MDFIC2: variants seen among roughly 807,000 people sequenced by gnomAD.
MDFIC2 encodes the protein MyoD family inhibitor domain containing 2.
intron 2 of MDFIC2, among the ~76,000 whole-genome samples, chr3:70,242,209 T>G (rs185673485): frequency 8.9e-4 from 136 of 152,306 alleles, no homozygotes; most frequent in South Asian, 1.5e-3. Context: ...TTCCAACCTT[T>G]TTTATATGAC....
chr3:70,311,841 G>A (rs998110389), intron 2 of MDFIC2, 45 bp downstream of exon 2: 62 of 396,558 alleles, frequency 1.6e-4, no homozygotes, highest in African/African-American at 1.2e-3. Flanking sequence ...ATAAACAAAA[G>A]CAAAATTTTC....
intron 2 of MDFIC2, among the ~76,000 whole-genome samples, chr3:70,264,823 CG>C (rs1430079317): frequency 1.3e-5 from 2 of 151,918 alleles, no homozygotes; most frequent in Admixed American, 6.6e-5. Context: ...GTAGGGACAT[CG>C]GGGATGTATT....
At chr3:70,208,198 T>C (rs1187786405) in intron 2 of MDFIC2, among the ~76,000 whole-genome samples, 1 of 152,096 alleles carries the variant, frequency 6.6e-6, no homozygotes, top group Admixed American at 6.6e-5. Context: ...GTGGCACAAC[T>C]GGGACGTGGT....
intron 2 of MDFIC2, among the ~76,000 whole-genome samples, chr3:70,277,805 C>G (rs1464502541): frequency 3.9e-5 from 6 of 151,954 alleles, no homozygotes; most frequent in Non-Finnish European, 8.8e-5. Context: ...ATTTTTTATA[C>G]AAATGGTTGT....
At chr3:70,269,087 T>G (rs1701951135) in intron 2 of MDFIC2, among the ~76,000 whole-genome samples, 2 of 152,090 alleles carry the variant, frequency 1.3e-5, no homozygotes, top group Admixed American at 6.6e-5. Flanking sequence ...AAAAAATATA[T>G]ACATATATAA....
At position 70,195,902 on chromosome 3, in the gene MDFIC2, TA is replaced by T. The variant is rs1298772403; in HGVS notation, c.*1023del. 1.3e-5 allele frequency among the ~76,000 whole-genome samples: 2 copies of T among 152,154 alleles called. No individual in the cohort carries two copies. Among genetic ancestry groups the T allele is most frequent in the African/African-American group, 2.4e-5 (1 of 41,444 alleles). On this transcript the variant is annotated 3_prime_UTR_variant, in exon 4 of 4. Coordinates refer to ENST00000567252, the MANE Select transcript of MDFIC2 (RefSeq NM_001364677.1). ...TCCAGTCTATATCACATCTTTTTCT[TA>T]AAAAAATAAGTAAAATAAGTACTTG...
intron 2 of MDFIC2, among the ~76,000 whole-genome samples, chr3:70,243,739 T>A (rs1013950600): frequency 6.6e-6 from 1 of 152,060 alleles, no homozygotes; most frequent in African/African-American, 2.4e-5. Context: ...GCATCACTGA[T>A]CTAAAGCAAG....
chr3:70,295,562 G>C (rs1003411597), intron 2 of MDFIC2, among the ~76,000 whole-genome samples: 1 of 152,046 alleles, frequency 6.6e-6, no homozygotes, highest in East Asian at 1.9e-4. Flanking sequence ...AATGAGCCAG[G>C]CTTGGTGGTG....
At chr3:70,277,338 C>T (rs143725408) in intron 2 of MDFIC2, among the ~76,000 whole-genome samples, 151 of 152,218 alleles carry the variant, frequency 9.9e-4, no homozygotes, top group African/African-American at 3.1e-3. Context: ...CTTATGTAAA[C>T]GGAAATATCT....
intron 2 of MDFIC2, among the ~76,000 whole-genome samples, chr3:70,300,008 A>G (rs1418444277): frequency 6.6e-6 from 1 of 152,112 alleles, no homozygotes; most frequent in Non-Finnish European, 1.5e-5. Flanking sequence ...ACCTTGGGCC[A>G]TCATATTCCA....
intron 2 of MDFIC2, among the ~76,000 whole-genome samples, chr3:70,296,475 A>G (rs527427234): frequency 6.6e-6 from 1 of 152,308 alleles, no homozygotes; most frequent in East Asian, 1.9e-4. Context: ...TCACACCGTG[A>G]CATTGGTTAA....
chr3:70,210,080 G>A (rs548264017), intron 2 of MDFIC2, among the ~76,000 whole-genome samples: 8 of 152,176 alleles, frequency 5.3e-5, no homozygotes, highest in African/African-American at 1.7e-4. Flanking sequence ...TTTGCACAAA[G>A]TAATTCAGTA....
chr3:70,284,058 A>G (rs911310933), intron 2 of MDFIC2, among the ~76,000 whole-genome samples: 8 of 152,122 alleles, frequency 5.3e-5, no homozygotes, highest in African/African-American at 1.4e-4. Context: ...AAATCCTGGA[A>G]TGAACTTGGT....
intron 2 of MDFIC2, among the ~76,000 whole-genome samples, chr3:70,276,723 C>A (rs556989593): frequency 1.3e-5 from 2 of 152,164 alleles, no homozygotes; most frequent in Non-Finnish European, 2.9e-5. Context: ...CAGCCATGCT[C>A]ATTAATTTAT....
intron 2 of MDFIC2, among the ~76,000 whole-genome samples, chr3:70,281,915 T>C (rs1702087264): frequency 6.6e-6 from 1 of 152,176 alleles, no homozygotes; most frequent in Non-Finnish European, 1.5e-5. Flanking sequence ...TTAAAAAGCA[T>C]CTTGGGTAAT....
intron 2 of MDFIC2, chr3:70,302,498 G>C (rs1479814547): frequency 6.6e-6 from 1 of 152,036 alleles, no homozygotes; most frequent in Non-Finnish European, 1.5e-5. Flanking sequence ...TTGATTAAGT[G>C]TATCACATCA....
intron 2 of MDFIC2, among the ~76,000 whole-genome samples, chr3:70,282,726 A>G (rs753781294): frequency 2.0e-5 from 3 of 152,152 alleles, no homozygotes; most frequent in East Asian, 3.9e-4. Flanking sequence ...CTTCTTGCTT[A>G]TTTGTCACCA....
At chr3:70,218,402 A>T (rs1484515154) in intron 2 of MDFIC2, among the ~76,000 whole-genome samples, 1 of 152,116 alleles carries the variant, frequency 6.6e-6, no homozygotes, top group African/African-American at 2.4e-5. Context: ...GTAAAGGTTT[A>T]TAAGCTTTAC....
At position 70,223,875 on chromosome 3, in the gene MDFIC2, G is replaced by A. The variant is rs77192308; in HGVS notation, c.89-17085C>T. 5.4e-3 allele frequency among the ~76,000 whole-genome samples: 815 copies of A among 151,710 alleles called. 10 individuals carry two copies. Among genetic ancestry groups the A allele is most frequent in the African/African-American group, 0.019 (769 of 41,354 alleles). The stretch of plus-strand genomic sequence containing the variant: ...ACTTAATCTTTTTTCTCCCTTTATC[G>A]TGCTCTTTCTCTTACTCTGCTTCAT... On this transcript the variant is annotated intron_variant, in intron 2 of 3. Coordinates refer to ENST00000567252, the MANE Select transcript of MDFIC2 (RefSeq NM_001364677.1).
Sources: gnomAD v4.1 joint callset for allele counts (sites outside exome capture counted in the v4.1 genomes callset) on GRCh38, gnomAD v4.1.1 for gene constraint, MANE v1.5 for transcripts, NCBI Gene and HGNC (gene_info 2026-07-23, HGNC 2026-07-21) for gene names.